The following ADARB2 variants were observed in gnomAD, a reference collection of about 807,000 sequenced individuals.
ADARB2 encodes the protein inactive double-stranded RNA-specific editase B2.
In ADARB2, 25 loss-of-function variants were observed where a neutral mutation model predicts 62.2. The observed-to-expected ratio is 0.40, with a 90% confidence interval of 0.29 to 0.56. The LOEUF is 0.56. Ranked by LOEUF, ADARB2 falls within the 20% of genes least tolerant of loss-of-function variation. The probability of loss-of-function intolerance (pLI) is 0.43; values close to 1 mark genes in which losing one functional copy is unlikely to be tolerated. For missense variants in ADARB2, 1,071 were observed against 1,077.4 expected (o/e 0.99, Z 0.08); for synonymous variants, 572 against 500.8 (o/e 1.14, Z -1.90).
At chr10:1,542,355 A>G (rs1441504175) in intron 1 of ADARB2, among the ~76,000 whole-genome samples, 2 of 9,898 alleles carry the variant, frequency 2.0e-4, no homozygotes, top group Admixed American at 1.1e-3. Context: ...ACCCTGGATC[A>G]CAGCCGTCCA....
At chr10:1,595,918 A>C (rs895176698) in intron 1 of ADARB2, among the ~76,000 whole-genome samples, 1 of 152,240 alleles carries the variant, frequency 6.6e-6, no homozygotes, top group Non-Finnish European at 1.5e-5. Flanking sequence ...TGTGTTCCAC[A>C]GCCCGCTGGC....
chr10:1,294,168 C>T (rs933734267), intron 3 of ADARB2, among the ~76,000 whole-genome samples: 12 of 152,270 alleles, frequency 7.9e-5, no homozygotes, highest in African/African-American at 2.6e-4. Flanking sequence ...TCAACTTTTC[C>T]ACCATTGAAG....
rs1834143274 is a variant in ADARB2, at chr10:1,653,733, C to T, written c.100+83318G>A. On this transcript the variant is annotated intron_variant, in intron 1 of 9. Coordinates refer to ENST00000381312, the MANE Select transcript of ADARB2 (RefSeq NM_018702.4). ...TCCTCCCAAATCCTGTTAAATTTCC[C>T]TGAATTTAGGACCAGGCCCAATGCC... Among the ~76,000 whole-genome samples, 3 of 152,212 alleles carry T rather than the reference C, an allele frequency of 2.0e-5. No homozygotes were observed. The South Asian group carries it at 6.2e-4, about 31-fold the overall frequency.
rs75146664 is a variant in ADARB2, at chr10:1,656,168, G to T, written c.100+80883C>A. ...TTGAAAACAGAAACTACATCATAAC[G>T]TAATCTTTTAAAGGTACTACATCGC... On this transcript the variant is annotated intron_variant, in intron 1 of 9. Transcript: ENST00000381312. Among the ~76,000 whole-genome samples, 852 of 152,250 alleles carry T rather than the reference G, an allele frequency of 5.6e-3. 14 individuals are homozygous for T. The highest frequency in any genetic ancestry group is 0.02 in the African/African-American group (815 of 41,540).
intron 1 of ADARB2, among the ~76,000 whole-genome samples, chr10:1,462,369 T>G (rs952048138): frequency 1.3e-5 from 2 of 152,238 alleles, no homozygotes; most frequent in Admixed American, 1.3e-4. Flanking sequence ...TATTACAGCC[T>G]GTGACAAAAG....
At chr10:1,449,103 G>A (rs951646202) in intron 1 of ADARB2, among the ~76,000 whole-genome samples, 4 of 152,124 alleles carry the variant, frequency 2.6e-5, no homozygotes, top group Admixed American at 6.5e-5. Flanking sequence ...CTCCATCCTC[G>A]GTCTTTCCAT....
At chr10:1,626,015 G>GACGCTAAC (rs1833762740) in intron 1 of ADARB2, among the ~76,000 whole-genome samples, 1 of 133,714 alleles carries the variant, frequency 7.5e-6, no homozygotes, top group African/African-American at 2.9e-5. Context: ...CTGGACCTCA[G>GACGCTAAC]CTCCTGCATG....
intron 3 of ADARB2, among the ~76,000 whole-genome samples, chr10:1,352,424 A>C (rs1832152864): frequency 6.6e-6 from 1 of 152,060 alleles, no homozygotes; most frequent in Non-Finnish European, 1.5e-5. Context: ...GACTGCCGCC[A>C]CCCTAGCTCT....
Position 1,191,737 on chromosome 10 carries a change from G to A in ADARB2, c.1865-6698C>T, listed in dbSNP as rs529348614. ...CTGTATAGGAATAAGCTGGTCTCCC[G>A]GAGCCTTTGACATGAATATTCTGCC... On this transcript the variant is annotated intron_variant, in intron 8 of 9. Coordinates refer to ENST00000381312, the MANE Select transcript of ADARB2 (RefSeq NM_018702.4). 5.3e-5 allele frequency among the ~76,000 whole-genome samples: 8 copies of A among 152,154 alleles called. No homozygotes were observed. The South Asian group carries it at 1.3e-3, about 24-fold the overall frequency.
Position 1,366,480 on chromosome 10 carries a change from C to G in ADARB2, c.188-2563G>C, listed in dbSNP as rs760560148. ...GTAGTGAGCTGTGCCCTTGCCCCAC[C>G]CTGAGGCTTGGCTCATGCAGAACCT... On this transcript the variant is annotated intron_variant, in intron 2 of 9. Coordinates refer to ENST00000381312, the MANE Select transcript of ADARB2 (RefSeq NM_018702.4). Among the ~76,000 whole-genome samples the G allele has an allele frequency of 5.5e-4, 83 of 152,236 alleles. 1 individual carries two copies. The highest frequency in any genetic ancestry group is 1.5e-3 in the South Asian group (7 of 4,820).
At chr10:1,510,116 CTTTCTTTCTTTCTTTCTTTCTTTCTT>C (rs1831911160) in intron 1 of ADARB2, among the ~76,000 whole-genome samples, 5 of 101,794 alleles carry the variant, frequency 4.9e-5, no homozygotes, top group Non-Finnish European at 7.9e-5. Context: ...TTCTCTCTTT[CTTTCTTTCTTTCTTTCTTTCTTTCTT>C]TCTTTCTTTC....
intron 1 of ADARB2, among the ~76,000 whole-genome samples, chr10:1,590,779 G>A (rs1054237594): frequency 1.3e-5 from 2 of 152,264 alleles, no homozygotes; most frequent in Admixed American, 6.5e-5. Flanking sequence ...TGAGGTGGAC[G>A]GTGGACGGTT....
intron 1 of ADARB2, among the ~76,000 whole-genome samples, chr10:1,618,127 G>A (rs1340428449): frequency 6.6e-6 from 1 of 152,130 alleles, no homozygotes; most frequent in Non-Finnish European, 1.5e-5. Context: ...GCCCAAACAG[G>A]TGTACCTAAG....
intron 1 of ADARB2, among the ~76,000 whole-genome samples, chr10:1,495,621 C>CAT (rs1831678450): frequency 1.5e-5 from 1 of 66,410 alleles, no homozygotes; most frequent in Non-Finnish European, 4.2e-5. Flanking sequence ...TAGAAATATT[C>CAT]CATTCCATTA....
At position 1,325,804 on chromosome 10, in the gene ADARB2, A is replaced by C. The variant is rs539633578; in HGVS notation, c.1077+37224T>G. 3.5e-4 allele frequency among the ~76,000 whole-genome samples: 53 copies of C among 152,286 alleles called. No individual in the cohort carries two copies. In the South Asian group the frequency reaches 0.011, roughly 31 times the overall value. On this transcript the variant is annotated intron_variant, in intron 3 of 9. Coordinates refer to ENST00000381312, the MANE Select transcript of ADARB2 (RefSeq NM_018702.4). ...AAAGCACTGGGCACCTGCACTTCTGAAAACAGATGCCTAAGAGCCATCGAC... is the reference window on the plus strand; with the variant it reads ...AAAGCACTGGGCACCTGCACTTCTGCAAACAGATGCCTAAGAGCCATCGAC...
At chr10:1,207,294 C>T (rs992831383) in intron 7 of ADARB2, among the ~76,000 whole-genome samples, 56 of 152,256 alleles carry the variant, frequency 3.7e-4, no homozygotes, top group African/African-American at 1.0e-3. Flanking sequence ...TGCAGTGAGC[C>T]GGGATCACGC....
intron 1 of ADARB2, among the ~76,000 whole-genome samples, chr10:1,703,060 G>A (rs6560762): frequency 0.49 from 75,109 of 152,110 alleles, 20,242 homozygotes; most frequent in South Asian, 0.71. Context: ...GATTTTGAGT[G>A]TGGGATAGCG....
intron 1 of ADARB2, among the ~76,000 whole-genome samples, chr10:1,445,102 T>TATCCATCC (rs368381647): frequency 2.6e-4 from 37 of 143,424 alleles, no homozygotes; most frequent in African/African-American, 8.5e-4. Context: ...CCCACCCATC[T>TATCCATCC]ATCCATCCAT....
chr10:1,689,817 G>C (rs1834646075), intron 1 of ADARB2, among the ~76,000 whole-genome samples: 1 of 152,310 alleles, frequency 6.6e-6, no homozygotes, highest in South Asian at 2.1e-4. Context: ...GAGATACATG[G>C]ATTTCAGATT....
Sources: allele counts gnomAD v4.1 joint callset (sites outside exome capture counted in the v4.1 genomes callset), GRCh38; gene constraint gnomAD v4.1.1; transcripts MANE v1.5; gene names NCBI Gene and HGNC (gene_info 2026-07-23, HGNC 2026-07-21).